DPP6: variants seen among roughly 807,000 people sequenced by gnomAD.
DPP6 encodes the protein A-type potassium channel modulatory protein DPP6.
A neutral mutation model predicts 122.6 loss-of-function variants in DPP6; 69 were observed. The observed-to-expected ratio is 0.56, with a 90% CI of 0.46 to 0.69. DPP6 has a LOEUF of 0.69. Among genes scored for constraint, DPP6 ranks in the 30% least tolerant of loss-of-function variants. The pLI, the probability that DPP6 is intolerant of heterozygous loss-of-function variation, is 0.00. For missense variants in DPP6, 928 were observed against 1,116.9 expected (o/e 0.83, Z 2.41); for synonymous variants, 418 against 433.1 (o/e 0.97, Z 0.43).
intron 1 of DPP6, among the ~76,000 whole-genome samples, chr7:153,887,975 A>G (rs1027499329): frequency 1.3e-5 from 2 of 150,712 alleles, no homozygotes; most frequent in Admixed American, 6.6e-5. Context: ...TCCTTCGGGC[A>G]TGTGGCTTTG....
At chr7:154,104,153 C>G (rs904568816) in intron 1 of DPP6, among the ~76,000 whole-genome samples, 1 of 152,250 alleles carries the variant, frequency 6.6e-6, no homozygotes, top group Non-Finnish European at 1.5e-5. Context: ...CGTGGCCTCA[C>G]GGAACCCACG....
chr7:154,543,061 G>T (rs1318335051), intron 4 of DPP6, among the ~76,000 whole-genome samples: 1 of 152,176 alleles, frequency 6.6e-6, no homozygotes, highest in Non-Finnish European at 1.5e-5. Context: ...ATCACCCACA[G>T]CCTGGAGGAA....
chr7:154,684,832 G>A lies in DPP6; in HGVS notation c.762+15391G>A, dbSNP rs577430328. On this transcript the variant is annotated intron_variant, in intron 7 of 25. Transcript: ENST00000377770. ...TTTAGTGGAACTTGAGTCTTTAGAA[G>A]GTCCTCAGATACCACTGCTGTCTAC... Among the ~76,000 whole-genome samples, 123 of 152,304 alleles carry A rather than the reference G, an allele frequency of 8.1e-4. 2 individuals carry two copies. The highest frequency in any genetic ancestry group is 5.2e-4 in the Admixed American group (8 of 15,296).
At chr7:154,837,357 C>T (rs1422866141) in intron 16 of DPP6, among the ~76,000 whole-genome samples, 1 of 151,402 alleles carries the variant, frequency 6.6e-6, no homozygotes, top group Non-Finnish European at 1.5e-5. Context: ...TGCACACATG[C>T]ATGCATACAG....
chr7:154,441,159 G>A (rs1819339200), intron 1 of DPP6, among the ~76,000 whole-genome samples: 1 of 152,110 alleles, frequency 6.6e-6, no homozygotes, highest in Non-Finnish European at 1.5e-5. Context: ...CTGCTTTGAG[G>A]ACCCAAAACA....
At chr7:154,331,070 T>C in intron 1 of DPP6, among the ~76,000 whole-genome samples, 1 of 152,312 alleles carries the variant, frequency 6.6e-6, no homozygotes, top group Non-Finnish European at 1.5e-5. Flanking sequence ...TCATCTCCCC[T>C]CCGACAACAG....
intron 1 of DPP6, among the ~76,000 whole-genome samples, chr7:153,964,213 C>T (rs565335223): frequency 2.0e-5 from 3 of 152,234 alleles, no homozygotes; most frequent in Admixed American, 6.5e-5. Context: ...TCAAGCTGAT[C>T]TCGAACTCCT....
At chr7:154,369,429 A>G (rs1476115189) in intron 1 of DPP6, among the ~76,000 whole-genome samples, 1 of 151,922 alleles carries the variant, frequency 6.6e-6, no homozygotes, top group African/African-American at 2.4e-5. Flanking sequence ...GTGAAATGGC[A>G]TGATCTTGGC....
At chr7:153,918,565 A>ACACACACACT (rs1563006095) in intron 1 of DPP6, among the ~76,000 whole-genome samples, 1 of 57,614 alleles carries the variant, frequency 1.7e-5, no homozygotes, top group African/African-American at 6.8e-5. Context: ...ACACACACAC[A>ACACACACACT]GTCTCTCTCT....
intron 10 of DPP6, among the ~76,000 whole-genome samples, chr7:154,773,812 T>C (rs1796403027): frequency 6.6e-6 from 1 of 152,170 alleles, no homozygotes. Context: ...TGGCAGCTTC[T>C]GGAAAGGGCA....
chr7:154,641,104 C>G (rs949445416), intron 6 of DPP6, among the ~76,000 whole-genome samples: 1 of 152,184 alleles, frequency 6.6e-6, no homozygotes, highest in Non-Finnish European at 1.5e-5. Flanking sequence ...CCCCCTCTCA[C>G]TCCCCAGTCC....
At chr7:154,698,526 T>C (rs2131253961) in intron 7 of DPP6, among the ~76,000 whole-genome samples, 1 of 152,322 alleles carries the variant, frequency 6.6e-6, no homozygotes, top group South Asian at 2.1e-4. Flanking sequence ...CTATGATTTT[T>C]TAAAAAGATC....
At chr7:154,060,580 G>GA (rs1801641403) in intron 1 of DPP6, among the ~76,000 whole-genome samples, 1 of 111,314 alleles carries the variant, frequency 9.0e-6, no homozygotes, top group Non-Finnish European at 1.8e-5. Context: ...CCTTACGTGG[G>GA]ATTACTGAGA....
chr7:154,469,595 C>T (rs565667508), intron 2 of DPP6, among the ~76,000 whole-genome samples: 6 of 152,222 alleles, frequency 3.9e-5, no homozygotes, highest in Admixed American at 2.0e-4. Context: ...GATTTGCAGA[C>T]GTGCTACCTG....
chr7:154,216,494 C>T (rs1800005796), intron 1 of DPP6, among the ~76,000 whole-genome samples: 1 of 152,160 alleles, frequency 6.6e-6, no homozygotes, highest in African/African-American at 2.4e-5. Context: ...GCAGGGCCTT[C>T]AGGAGCTCGT....
chr7:154,487,110 G>C (rs1462933979), intron 3 of DPP6, among the ~76,000 whole-genome samples: 1 of 152,202 alleles, frequency 6.6e-6, no homozygotes, highest in Non-Finnish European at 1.5e-5. Flanking sequence ...TTTGTTTGCA[G>C]TATACAGAGG....
At chr7:154,791,347 A>C (rs1284394324) in intron 10 of DPP6, among the ~76,000 whole-genome samples, 1 of 152,210 alleles carries the variant, frequency 6.6e-6, no homozygotes, top group Admixed American at 6.5e-5. Flanking sequence ...TCAGTTCTAC[A>C]TGGCTGGGGA....
At chr7:154,887,827 T>A (rs1806288029) in intron 23 of DPP6, 93 bp downstream of exon 23, 2 of 1,418,468 alleles carry the variant, frequency 1.4e-6, no homozygotes, top group Non-Finnish European at 2.0e-6. Context: ...CACTCTGCCT[T>A]CCCCAGCCCC....
At chr7:154,402,299 G>T (rs1308559883) in intron 1 of DPP6, among the ~76,000 whole-genome samples, 1 of 151,818 alleles carries the variant, frequency 6.6e-6, no homozygotes, top group Non-Finnish European at 1.5e-5. Flanking sequence ...ACATGCACAC[G>T]TATGTTTATT....
Sources: gnomAD v4.1 joint callset for allele counts (sites outside exome capture counted in the v4.1 genomes callset) on GRCh38, gnomAD v4.1.1 for gene constraint, MANE v1.5 for transcripts, NCBI Gene and HGNC (gene_info 2026-07-23, HGNC 2026-07-21) for gene names.